The following FAM83G variants were observed in gnomAD, a reference collection of about 807,000 sequenced individuals.
FAM83G encodes protein FAM83G.
FAM83G carries 38 observed loss-of-function variants against 61.5 expected under a neutral mutation model. That is an observed-to-expected ratio of 0.62 (90% confidence interval 0.48 to 0.81). The LOEUF (loss-of-function observed/expected upper bound fraction) is 0.81. Among genes scored for constraint, FAM83G ranks in the 30% least tolerant of loss-of-function variants. The pLI is 0.00. For synonymous variants in FAM83G, 470 were observed against 476.1 expected, an observed-to-expected ratio of 0.99 and a Z score of 0.17; for missense variants, 989 against 1,133.6, an observed-to-expected ratio of 0.87 and a Z score of 1.83.
intron 3 of FAM83G, among the ~76,000 whole-genome samples, chr17:18,982,642 G>T (rs1013731577): frequency 6.6e-6 from 1 of 152,166 alleles, no homozygotes; most frequent in African/African-American, 2.4e-5. Context: ...AGGCAAGGTG[G>T]GGGCTCCAGG....
chr17:18,990,590 G>A (rs2043392259), intron 2 of FAM83G, among the ~76,000 whole-genome samples: 1 of 151,844 alleles, frequency 6.6e-6, no homozygotes, highest in Non-Finnish European at 1.5e-5. Context: ...CGCACCATGT[G>A]CGCCACTCCC....
chr17:18,995,563 A>C (rs563855015), intron 2 of FAM83G, among the ~76,000 whole-genome samples: 1 of 152,364 alleles, frequency 6.6e-6, no homozygotes, highest in African/African-American at 2.4e-5. Context: ...AGACTAAAAA[A>C]ATAAATAAAT....
rs2042806969 is a variant in FAM83G, at chr17:18,970,230, G to A, written c.*1129C>T. The A allele has an allele frequency of 6.6e-6, 1 of 152,286 alleles. No individual in the cohort carries two copies. Among genetic ancestry groups the A allele is most frequent in the Non-Finnish European group, 1.5e-5 (1 of 68,092 alleles). 9.4% of individuals were successfully genotyped at this position (152,286 alleles called of 1,614,324 possible). ...GAAAAGGCTAGGGAGTAGGGCCTGG[G>A]GTGGAAACGGGTTTTCCTACATCCA... On this transcript the variant is annotated 3_prime_UTR_variant, in exon 6 of 6. Transcript: ENST00000388995.
intron 3 of FAM83G, among the ~76,000 whole-genome samples, chr17:18,984,373 C>T (rs1450325786): frequency 6.6e-6 from 1 of 151,202 alleles, no homozygotes; most frequent in Non-Finnish European, 1.5e-5. Context: ...TGCCTTATAC[C>T]CTGAATCCAC....
chr17:18,969,753 C>G lies in FAM83G; in HGVS notation c.*1606G>C. The G allele has an allele frequency of 3.4e-6, 1 of 298,248 alleles. No individual in the cohort carries two copies. 18.5% of individuals were successfully genotyped at this position (298,248 alleles called of 1,614,324 possible). A position where few individuals can be genotyped will look rare whatever the true frequency, so the allele number is the denominator to read the frequency against. On this transcript the variant is annotated 3_prime_UTR_variant, in exon 6 of 6. Coordinates refer to ENST00000388995, the MANE Select transcript of FAM83G (RefSeq NM_001039999.3). ...GTGGGGCTGTAGGCGGGTGTGAAGG[C>G]ACACAACCAGGAGGCCATAAAACTG... is the stretch of plus-strand genomic sequence containing the variant.
In FAM83G at chr17:18,969,553, CAGG is replaced by C; in HGVS notation, c.*1803_*1805del. ...TAGCATCGCTGGGAGTGGGTGGGTT[CAGG>C]AGGTTGAGCCACTAGGCAGTCAGCC... On this transcript the variant is annotated 3_prime_UTR_variant, in exon 6 of 6. Transcript: ENST00000388995. 1 of 839,472 alleles carries C rather than the reference CAGG, an allele frequency of 1.2e-6. No homozygotes were observed. Among genetic ancestry groups the C allele is most frequent in the Non-Finnish European group, 1.8e-6 (1 of 545,368 alleles). The allele number at this position is 839,472 out of a possible 1,614,324, so 52.0% of individuals were successfully genotyped here.
rs1276427505 is a variant in FAM83G, at chr17:18,969,585, C to T, written c.*1774G>A. On this transcript the variant is annotated 3_prime_UTR_variant, in exon 6 of 6. Coordinates refer to ENST00000388995, the MANE Select transcript of FAM83G (RefSeq NM_001039999.3). The stretch of plus-strand genomic sequence containing the variant: ...TTGAGCCACTAGGCAGTCAGCCCCC[C>T]TGCTGGCCCCTCAGGGACTGCCCTG... 6.5e-6 allele frequency: 4 copies of T among 615,282 alleles called. No homozygotes were observed. Among genetic ancestry groups the T allele is most frequent in the Non-Finnish European group, 8.3e-6 (3 of 359,820 alleles). The allele number at this position is 615,282 out of a possible 1,614,324, so 38.1% of individuals were successfully genotyped here. A position where few individuals can be genotyped will look rare whatever the true frequency, so the allele number is the denominator to read the frequency against.
Position 19,003,719 on chromosome 17 carries a change from G to A in FAM83G, c.323C>T (p.Pro108Leu), listed in dbSNP as rs1478280462. Residue 108 changes from proline (P) to leucine (L), a missense_variant, in exon 2 of 6, where the codon CCC becomes CTC. Around this residue, in one of 3 missense-constraint regions of FAM83G, gnomAD observed 371 missense variants for 404.5 expected, o/e 0.92. Transcript: ENST00000388995. The surrounding 1 kb of genome is among the most constrained non-coding windows in gnomAD (Gnocchi z 4.5). Reference protein sequence around the residue: ...GEEASGADGVPIEAEPLPSLE... With the variant: ...GEEASGADGVLIEAEPLPSLE... ...GGAGGGCAGCGGCTCGGCCTCGATG[G>A]GGACCCCATCCGCCCCGCTGGCTTC... is the stretch of plus-strand genomic sequence containing the variant. 6.2e-7 allele frequency: 1 copy of A among 1,605,600 alleles called. No individual in the cohort carries two copies. The highest frequency in any genetic ancestry group is 1.1e-5 in the South Asian group (1 of 90,496).
intron 3 of FAM83G, among the ~76,000 whole-genome samples, chr17:18,987,458 C>T (rs1023396182): frequency 6.6e-6 from 1 of 152,224 alleles, no homozygotes; most frequent in Non-Finnish European, 1.5e-5. Flanking sequence ...ATGCTCTGCA[C>T]GCAGCAGGTG....
intron 2 of FAM83G, among the ~76,000 whole-genome samples, chr17:18,989,912 G>A (rs909922290): frequency 6.6e-6 from 1 of 152,186 alleles, no homozygotes; most frequent in Non-Finnish European, 1.5e-5. Flanking sequence ...ACCTTCTCTT[G>A]GACGTTTAGT....
intron 5 of FAM83G, among the ~76,000 whole-genome samples, chr17:18,972,220 C>T (rs1368257323): frequency 2.0e-5 from 3 of 152,178 alleles, no homozygotes; most frequent in Non-Finnish European, 4.4e-5. Flanking sequence ...TGGGCAGCTC[C>T]AGGGAGCATG....
In FAM83G at chr17:18,978,484, G is replaced by T. The variant is rs1251500380; in HGVS notation, c.1182C>A (p.Pro394=). Residue 394 remains proline, a synonymous_variant, in exon 5 of 6, where the codon CCC becomes CCA. Coordinates refer to ENST00000388995, the MANE Select transcript of FAM83G (RefSeq NM_001039999.3). ...HPGELPELLP[P]IHPGLLHLER... ...CCAGGTGAAGCAGTCCTGGGTGGAT[G>T]GGTGGCAGCAGCTCGGGGAGTTCCC... 6.2e-7 allele frequency: 1 copy of T among 1,612,314 alleles called. No individual in the cohort carries two copies. Among genetic ancestry groups the T allele is most frequent in the Admixed American group, 1.7e-5 (1 of 59,750 alleles).
chr17:18,987,543 A>G (rs922044438), intron 3 of FAM83G, among the ~76,000 whole-genome samples: 1 of 152,170 alleles, frequency 6.6e-6, no homozygotes, highest in Non-Finnish European at 1.5e-5. Flanking sequence ...CGTTGGACCA[A>G]TGAGATCCTG....
At position 18,978,649 on chromosome 17, in the gene FAM83G, A is replaced by T; in HGVS notation, c.1017T>A (p.Thr339=). 6.2e-7 allele frequency: 1 copy of T among 1,613,032 alleles called. No homozygotes were observed. The highest frequency in any genetic ancestry group is 8.5e-7 in the Non-Finnish European group (1 of 1,179,998). The change falls in exon 5 of 6, where the codon ACT becomes ACA. Residue 339 remains threonine, a synonymous_variant. Transcript: ENST00000388995. The part of the protein sequence containing the change: ...PSVVPLVPAG[T]VAKKLVNPKY... The stretch of plus-strand genomic sequence containing the variant: ...TGGGGTTGACGAGCTTCTTGGCCAC[A>T]GTGCCCGCGGGCACCAGGGGGACCA...
Position 18,969,152 on chromosome 17 carries a change from T to C in FAM83G, c.*2207A>G, listed in dbSNP as rs768917735. ...CTCGGCATCACAGCCCTGTACACCA[T>C]CGCAGGTATGGTGCCTGCAGCAGGG... On this transcript the variant is annotated 3_prime_UTR_variant, in exon 6 of 6. Coordinates refer to ENST00000388995, the MANE Select transcript of FAM83G (RefSeq NM_001039999.3). 6.2e-6 allele frequency: 10 copies of C among 1,613,524 alleles called. No individual in the cohort carries two copies. Among genetic ancestry groups the C allele is most frequent in the Admixed American group, 3.3e-5 (2 of 59,936 alleles).
At chr17:18,979,399 G>T in intron 4 of FAM83G, 150 bp downstream of exon 4, 1 of 925,720 alleles carries the variant, frequency 1.1e-6, no homozygotes, top group Non-Finnish European at 1.6e-6. Context: ...TCCAGAGACA[G>T]ACAGGCGGGC....
At chr17:18,998,635 G>C (rs947468133) in intron 2 of FAM83G, among the ~76,000 whole-genome samples, 6 of 152,244 alleles carry the variant, frequency 3.9e-5, no homozygotes, top group African/African-American at 1.2e-4. Context: ...TCTCCTTAGA[G>C]CTCCTTCCTC....
intron 5 of FAM83G, among the ~76,000 whole-genome samples, chr17:18,975,460 C>T (rs2042953056): frequency 1.3e-5 from 2 of 152,084 alleles, no homozygotes; most frequent in Admixed American, 6.5e-5. Context: ...GAGGCCGAGG[C>T]GGGCAGATCA....
chr17:18,978,193 G>A lies in FAM83G; in HGVS notation c.1473C>T (p.Asn491=), dbSNP rs1167296822. 9 of 1,551,820 alleles carry A rather than the reference G, an allele frequency of 5.8e-6. No individual in the cohort carries two copies. Among genetic ancestry groups the A allele is most frequent in the African/African-American group, 2.7e-5 (2 of 73,624 alleles). Residue 491 remains asparagine, a synonymous_variant, in exon 5 of 6, where the codon AAC becomes AAT. Coordinates refer to ENST00000388995, the MANE Select transcript of FAM83G (RefSeq NM_001039999.3). ...GCTCAGGGTCCCCCTGGGGGAGGCC[G>A]TTCTCAGCTGGGACACCGTCCTGGG... ...SAPQDGVPAE[N]GLPQGDPEPL... is the part of the protein sequence containing the mutation.
Sources: gnomAD v4.1 joint callset for allele counts (sites outside exome capture counted in the v4.1 genomes callset) on GRCh38, gnomAD v4.1.1 for gene constraint, gnomAD v4.1.1 regional missense constraint, Gnocchi (gnomAD v3.1) non-coding constraint, MANE v1.5 for transcripts, NCBI Gene and HGNC (gene_info 2026-07-23, HGNC 2026-07-21) for gene names.